The following SLC30A8 variants were observed in gnomAD, a reference collection of about 807,000 sequenced individuals.
SLC30A8 encodes proton-coupled zinc antiporter SLC30A8.
Under a neutral mutation model 36.9 loss-of-function variants are expected in SLC30A8, and 27 were observed. The observed-to-expected ratio is 0.73, with a 90% CI of 0.54 to 1.01. The LOEUF is 1.01. Among genes scored for constraint, SLC30A8 ranks in the 50% least tolerant of loss-of-function variants. The pLI, the probability that SLC30A8 is intolerant of heterozygous loss-of-function variation, is 0.00. For missense variants in SLC30A8, 439 were observed against 452.0 expected, an observed-to-expected ratio of 0.97 and a Z score of 0.26; for synonymous variants, 164 against 172.4, an observed-to-expected ratio of 0.95 and a Z score of 0.38.
intron 1 of SLC30A8, among the ~76,000 whole-genome samples, chr8:117,025,277 T>C (rs571782261): frequency 5.3e-5 from 8 of 152,128 alleles, no homozygotes; most frequent in Admixed American, 2.0e-4. Context: ...GACTAGAAAT[T>C]TGAGAAATGC....
At chr8:117,160,443 A>ATGTGTGTG (rs1563635255) in intron 4 of SLC30A8, among the ~76,000 whole-genome samples, 2 of 129,664 alleles carry the variant, frequency 1.5e-5, no homozygotes, top group African/African-American at 7.2e-5. Flanking sequence ...GTGCGCGCAC[A>ATGTGTGTG]TGTGCGCGCG....
chr8:117,105,439 A>G lies in SLC30A8; in HGVS notation c.-225-29841A>G, dbSNP rs77945810. ...AGGGCTCTCAAGAGAAACGAAACCA[A>G]TAGAACATACACACACATATACATA... On this transcript the variant is annotated intron_variant, in intron 2 of 10. Coordinates refer to the SLC30A8 transcript ENST00000427715. 2.7e-3 allele frequency among the ~76,000 whole-genome samples: 410 copies of G among 152,272 alleles called. 8 individuals are homozygous for G. The East Asian group carries it at 0.062, about 23-fold the overall frequency.
intron 1 of SLC30A8, among the ~76,000 whole-genome samples, chr8:117,022,634 C>G (rs1282765260): frequency 1.3e-5 from 2 of 152,160 alleles, no homozygotes; most frequent in African/African-American, 2.4e-5. Flanking sequence ...GGAAATGATT[C>G]CCTTTTTAAT....
intron 2 of SLC30A8, among the ~76,000 whole-genome samples, chr8:117,088,951 A>G (rs968048943): frequency 6.6e-6 from 1 of 152,192 alleles, no homozygotes; most frequent in Non-Finnish European, 1.5e-5. Context: ...CCAAGGTGAT[A>G]TGTAATCTTC....
At chr8:117,035,497 G>A (rs1223719432) in intron 1 of SLC30A8, among the ~76,000 whole-genome samples, 4 of 152,134 alleles carry the variant, frequency 2.6e-5, no homozygotes, top group East Asian at 1.9e-4. Context: ...GCTCCTTCAC[G>A]GTCTGACATT....
intron 2 of SLC30A8, among the ~76,000 whole-genome samples, chr8:117,063,956 C>T (rs946921102): frequency 6.6e-6 from 1 of 152,012 alleles, no homozygotes; most frequent in Non-Finnish European, 1.5e-5. Flanking sequence ...CATGATGGCT[C>T]CTTTCACTCT....
chr8:117,171,411 A>G (rs1235478598), intron 7 of SLC30A8, among the ~76,000 whole-genome samples: 1 of 152,140 alleles, frequency 6.6e-6, no homozygotes, highest in Non-Finnish European at 1.5e-5. Context: ...ACAAAGGACT[A>G]AAATGCACCC....
chr8:117,012,805 T>C (rs570177546), intron 1 of SLC30A8, among the ~76,000 whole-genome samples: 52 of 151,024 alleles, frequency 3.4e-4, no homozygotes, highest in Admixed American at 9.2e-4. Flanking sequence ...GCAGTCAGCA[T>C]ATATTTCTTA....
chr8:117,039,284 G>A (rs1817311880), intron 2 of SLC30A8: 2 of 152,174 alleles, frequency 1.3e-5, no homozygotes, highest in African/African-American at 4.8e-5. Flanking sequence ...CTCTGTGTGT[G>A]TGAGAGGGAG....
intron 1 of SLC30A8, among the ~76,000 whole-genome samples, chr8:117,034,836 G>A (rs528504545): frequency 6.6e-6 from 1 of 152,258 alleles, no homozygotes; most frequent in East Asian, 1.9e-4. Flanking sequence ...GGGGAAGCAG[G>A]CACACCTTAC....
In SLC30A8 at chr8:117,171,031, C is replaced by T. The variant is rs751201266; in HGVS notation, c.830-3C>T. On this transcript the variant is annotated splice_region_variant and splice_polypyrimidine_tract_variant and intron_variant, in intron 6 of 7. Coordinates refer to ENST00000456015, the MANE Select transcript of SLC30A8 (RefSeq NM_173851.3). ...ACAGCCTCCATCTCTTCCCTTTTGT[C>T]AGGTGTGCCAAAGAGCCTGAATTAC... 3.2e-6 allele frequency: 5 copies of T among 1,582,764 alleles called. No homozygotes were observed. In the South Asian group the frequency reaches 3.5e-5, roughly 11 times the overall value.
At chr8:117,107,190 T>G (rs1820031047) in intron 2 of SLC30A8, among the ~76,000 whole-genome samples, 2 of 152,200 alleles carry the variant, frequency 1.3e-5, no homozygotes, top group Admixed American at 1.3e-4. Context: ...GATACCATCC[T>G]TATTAAAATA....
intron 2 of SLC30A8, chr8:117,056,090 T>TGGCTTAACTCCTGGTTC (rs1376309041): frequency 6.6e-6 from 1 of 152,218 alleles, no homozygotes; most frequent in Non-Finnish European, 1.5e-5. Context: ...GGTAGCTTGT[T>TGGCTTAACTCCTGGTTC]TCTGTTGGCT....
chr8:117,028,551 T>G (rs1290024258), intron 1 of SLC30A8, among the ~76,000 whole-genome samples: 1 of 43,422 alleles, frequency 2.3e-5, no homozygotes, highest in South Asian at 8.1e-4. Flanking sequence ...CTCACCACAG[T>G]TTTTTTTTTT....
chr8:117,058,123 T>C (rs1384168753), intron 2 of SLC30A8, among the ~76,000 whole-genome samples: 1 of 152,190 alleles, frequency 6.6e-6, no homozygotes. Context: ...TTTTGATTTA[T>C]ATTTCTCATG....
At chr8:117,074,948 G>A (rs1586472409) in intron 2 of SLC30A8, among the ~76,000 whole-genome samples, 1 of 152,082 alleles carries the variant, frequency 6.6e-6, no homozygotes, top group South Asian at 2.1e-4. Flanking sequence ...TACAATGAAC[G>A]TCTTGGAATT....
At chr8:116,990,528 A>G (rs1815600073) in intron 1 of SLC30A8, among the ~76,000 whole-genome samples, 1 of 152,234 alleles carries the variant, frequency 6.6e-6, no homozygotes, top group African/African-American at 2.4e-5. Context: ...TCTACAAAAT[A>G]TCTGACCAGT....
At chr8:117,020,672 T>TC (rs79257878) in intron 1 of SLC30A8, among the ~76,000 whole-genome samples, 13 of 151,910 alleles carry the variant, frequency 8.6e-5, no homozygotes, top group African/African-American at 3.1e-4. Context: ...AAATTGGATA[T>TC]ACAGCTATTT....
intron 2 of SLC30A8, among the ~76,000 whole-genome samples, chr8:117,110,222 C>T (rs1013155617): frequency 1.2e-4 from 18 of 152,032 alleles, no homozygotes; most frequent in African/African-American, 3.9e-4. Context: ...AAATTCTTTC[C>T]ACTCCTCTGA....
Sources: gnomAD v4.1 joint callset for allele counts (sites outside exome capture counted in the v4.1 genomes callset) on GRCh38, gnomAD v4.1.1 for gene constraint, MANE v1.5 for transcripts, NCBI Gene and HGNC (gene_info 2026-07-23, HGNC 2026-07-21) for gene names.